Variants in ERC2 observed in about 807,000 individuals in gnomAD.
ERC2 encodes the protein ELKS/RAB6-interacting/CAST family member 2.
ERC2 carries 42 observed loss-of-function variants against 114.8 expected under a neutral mutation model. The ratio of observed to expected loss-of-function variants is 0.37; its 90% CI spans 0.29 to 0.47. The LOEUF is 0.47. Among genes scored for constraint, ERC2 ranks in the 20% least tolerant of loss-of-function variants. The pLI, the probability that ERC2 is intolerant of heterozygous loss-of-function variation, is 0.99. For missense variants in ERC2, 939 were observed against 1,150.7 expected (o/e 0.82, Z 2.66); for synonymous variants, 454 against 425.5 (o/e 1.07, Z -0.82).
At chr3:56,227,262 C>A (rs1202631517) in intron 3 of ERC2, among the ~76,000 whole-genome samples, 1 of 152,030 alleles carries the variant, frequency 6.6e-6, no homozygotes, top group East Asian at 1.9e-4. Context: ...AATTGGTGAA[C>A]AGGGGAATGA....
chr3:55,950,022 G>A (rs1365286805), intron 13 of ERC2, among the ~76,000 whole-genome samples: 1 of 152,214 alleles, frequency 6.6e-6, no homozygotes, highest in African/African-American at 2.4e-5. Context: ...TCTGGGATCA[G>A]CTGAATGTAT....
chr3:55,860,517 G>C (rs2061983561), intron 14 of ERC2, among the ~76,000 whole-genome samples: 1 of 152,006 alleles, frequency 6.6e-6, no homozygotes, highest in South Asian at 2.1e-4. Flanking sequence ...TCGCCCCAAA[G>C]CATAATTAGG....
intron 13 of ERC2, among the ~76,000 whole-genome samples, chr3:55,904,743 G>A (rs2064332439): frequency 6.6e-6 from 1 of 152,220 alleles, no homozygotes; most frequent in African/African-American, 2.4e-5. Context: ...AGATGGCCAT[G>A]TGAACTCCTC....
chr3:55,629,545 A>C (rs923934345), intron 17 of ERC2, among the ~76,000 whole-genome samples: 1 of 152,202 alleles, frequency 6.6e-6, no homozygotes, highest in African/African-American at 2.4e-5. Context: ...AAATGACCAA[A>C]GTATCCTAAA....
intron 1 of ERC2, among the ~76,000 whole-genome samples, chr3:56,465,163 C>G (rs368072259): frequency 2.6e-5 from 4 of 152,252 alleles, no homozygotes; most frequent in South Asian, 2.1e-4. Context: ...CTTTGGGAGG[C>G]CAAGGCAGGA....
At chr3:56,004,291 TAAGA>T (rs2072302579) in intron 10 of ERC2, among the ~76,000 whole-genome samples, 1 of 152,016 alleles carries the variant, frequency 6.6e-6, no homozygotes, top group Non-Finnish European at 1.5e-5. Context: ...GGTGTCTACT[TAAGA>T]TGGATGAATG....
chr3:55,778,862 A>C (rs1336629200), intron 14 of ERC2, among the ~76,000 whole-genome samples: 1 of 152,232 alleles, frequency 6.6e-6, no homozygotes, highest in Non-Finnish European at 1.5e-5. Context: ...CTTCTTGGAA[A>C]GTTTAATCAA....
At position 56,069,891 on chromosome 3, in the gene ERC2, C is replaced by G. The variant is rs1270042534; in HGVS notation, c.1641+10926G>C. The stretch of plus-strand genomic sequence containing the variant: ...GTTTAAAGCAGTTACATATTTTAGT[C>G]TGCAGAAGTTGTAGTATAATCAGGT... On this transcript the variant is annotated intron_variant, in intron 7 of 17. Coordinates refer to ENST00000288221, the MANE Select transcript of ERC2 (RefSeq NM_015576.3). Among the ~76,000 whole-genome samples, 13 of 152,092 alleles carry G rather than the reference C, an allele frequency of 8.5e-5. 1 individual carries two copies. Among genetic ancestry groups the G allele is most frequent in the Admixed American group, 8.5e-4 (13 of 15,256 alleles).
intron 13 of ERC2, among the ~76,000 whole-genome samples, chr3:55,910,670 G>A (rs193266916): frequency 1.8e-3 from 273 of 152,188 alleles, no homozygotes; most frequent in Middle Eastern, 3.4e-3. Flanking sequence ...ATGAACAATC[G>A]TCTGTAATAC....
At chr3:56,025,164 T>A (rs777146254) in intron 7 of ERC2, among the ~76,000 whole-genome samples, 1 of 152,164 alleles carries the variant, frequency 6.6e-6, no homozygotes, top group Non-Finnish European at 1.5e-5. Flanking sequence ...AGAGGTACCT[T>A]TTGCAGAATG....
chr3:56,429,034 G>A (rs769424643), intron 2 of ERC2, among the ~76,000 whole-genome samples: 1 of 152,116 alleles, frequency 6.6e-6, no homozygotes, highest in Non-Finnish European at 1.5e-5. Flanking sequence ...GAAATACAAC[G>A]TTAACAATTG....
intron 14 of ERC2, among the ~76,000 whole-genome samples, chr3:55,743,762 T>C (rs2066131547): frequency 6.6e-6 from 1 of 152,090 alleles, no homozygotes; most frequent in Non-Finnish European, 1.5e-5. Flanking sequence ...TGGAAGCAAA[T>C]GTACCTGAGT....
chr3:55,665,857 A>C (rs551738637), intron 17 of ERC2, among the ~76,000 whole-genome samples: 1 of 152,288 alleles, frequency 6.6e-6, no homozygotes, highest in South Asian at 2.1e-4. Flanking sequence ...TCTGCTAGGT[A>C]GGCACTAGAA....
chr3:56,260,008 C>T (rs2052807730), intron 3 of ERC2, among the ~76,000 whole-genome samples: 1 of 152,182 alleles, frequency 6.6e-6, no homozygotes, highest in Admixed American at 6.5e-5. Context: ...CACTTGGATT[C>T]CATAAGCTTC....
intron 7 of ERC2, among the ~76,000 whole-genome samples, chr3:56,079,056 G>A (rs566132990): frequency 4.4e-4 from 67 of 152,084 alleles, no homozygotes; most frequent in African/African-American, 1.6e-3. Context: ...AAGAAGCAAA[G>A]GCATGAGCCA....
chr3:56,337,044 T>C (rs2057883705), intron 2 of ERC2, among the ~76,000 whole-genome samples: 1 of 152,210 alleles, frequency 6.6e-6, no homozygotes, highest in South Asian at 2.1e-4. Context: ...GGTCTTCTGA[T>C]GCTTCAAAAA....
chr3:55,751,296 C>T (rs1050312657), intron 14 of ERC2, among the ~76,000 whole-genome samples: 1 of 152,130 alleles, frequency 6.6e-6, no homozygotes, highest in African/African-American at 2.4e-5. Context: ...GGAGAATAAT[C>T]TCTTTATTTC....
At chr3:56,171,661 A>AT (rs983614235) in intron 4 of ERC2, among the ~76,000 whole-genome samples, 10 of 151,968 alleles carry the variant, frequency 6.6e-5, no homozygotes, top group African/African-American at 2.2e-4. Context: ...TTATTTATAA[A>AT]TTTTTTTATA....
intron 7 of ERC2, among the ~76,000 whole-genome samples, chr3:56,027,298 G>A (rs1274754253): frequency 6.6e-6 from 1 of 152,042 alleles, no homozygotes; most frequent in Non-Finnish European, 1.5e-5. Context: ...TTATTTTTTC[G>A]GTGACGTAAG....
Sources: gnomAD v4.1 joint callset for allele counts (sites outside exome capture counted in the v4.1 genomes callset) on GRCh38, gnomAD v4.1.1 for gene constraint, MANE v1.5 for transcripts, NCBI Gene and HGNC (gene_info 2026-07-23, HGNC 2026-07-21) for gene names.